The following APP variants were observed in gnomAD, a reference collection of about 807,000 sequenced individuals.
The protein encoded by APP is amyloid-beta precursor protein.
APP carries 31 observed loss-of-function variants against 101.4 expected under a neutral mutation model. The observed-to-expected ratio is 0.31, with a 90% CI of 0.23 to 0.41. The LOEUF is 0.41. Among genes scored for constraint, APP ranks in the 10% least tolerant of loss-of-function variants. The pLI is 1.00. For synonymous variants in APP, 366 were observed against 364.4 expected (o/e 1.00, Z -0.05); for missense variants, 839 against 1,003.7 (o/e 0.84, Z 2.22).
At chr21:25,995,604 T>C (rs2043022599) in intron 8 of APP, among the ~76,000 whole-genome samples, 1 of 152,122 alleles carries the variant, frequency 6.6e-6, no homozygotes, top group African/African-American at 2.4e-5. Flanking sequence ...AAATGATCTG[T>C]GAAAATGCTC....
intron 16 of APP, among the ~76,000 whole-genome samples, chr21:25,894,070 G>C (rs911426384): frequency 1.3e-5 from 2 of 152,182 alleles, no homozygotes; most frequent in African/African-American, 2.4e-5. Flanking sequence ...ACAAAACTGG[G>C]ATGACAGCAC....
intron 5 of APP, among the ~76,000 whole-genome samples, chr21:26,025,116 T>C (rs2044511612): frequency 6.6e-6 from 1 of 152,220 alleles, no homozygotes; most frequent in South Asian, 2.1e-4. Flanking sequence ...AACTGACTTT[T>C]TTTTTTGACT....
chr21:25,940,819 T>C (rs999660840), intron 13 of APP, among the ~76,000 whole-genome samples: 2 of 152,188 alleles, frequency 1.3e-5, no homozygotes, highest in Non-Finnish European at 2.9e-5. Context: ...CATTTATCAA[T>C]GTCACCTGGA....
At chr21:25,975,842 G>C (rs1601087583) in intron 10 of APP, 112 bp downstream of exon 10, 2 of 842,734 alleles carry the variant, frequency 2.4e-6, no homozygotes, top group Non-Finnish European at 4.1e-6. Context: ...GAAGTTCATG[G>C]GACTATGAAC....
chr21:25,906,131 GA>G (rs1394780984), intron 14 of APP, among the ~76,000 whole-genome samples: 1 of 152,214 alleles, frequency 6.6e-6, no homozygotes, highest in Non-Finnish European at 1.5e-5. Flanking sequence ...TCAAAGGTGG[GA>G]TTCTCAGTCC....
chr21:26,001,472 G>A (rs898181890), intron 6 of APP, among the ~76,000 whole-genome samples: 3 of 152,226 alleles, frequency 2.0e-5, no homozygotes, highest in East Asian at 1.9e-4. Flanking sequence ...TGAAAGCCAC[G>A]CATCACCCAT....
intron 3 of APP, among the ~76,000 whole-genome samples, chr21:26,085,573 C>G (rs1374493902): frequency 1.3e-5 from 2 of 152,184 alleles, no homozygotes; most frequent in African/African-American, 4.8e-5. Flanking sequence ...TTTTTCCATC[C>G]TCATCGCCAT....
chr21:26,057,221 T>G (rs2046077765), intron 3 of APP, among the ~76,000 whole-genome samples: 1 of 152,240 alleles, frequency 6.6e-6, no homozygotes, highest in East Asian at 1.9e-4. Flanking sequence ...ATGCTTCTGC[T>G]TATTTGCTTT....
chr21:25,908,519 AAC>A (rs566662757), intron 14 of APP, among the ~76,000 whole-genome samples: 218 of 152,212 alleles, frequency 1.4e-3, no homozygotes, highest in Middle Eastern at 3.4e-3. Context: ...AAGAAAGACT[AAC>A]AAGTTTCTGG....
At chr21:26,048,355 A>G (rs555671200) in intron 5 of APP, among the ~76,000 whole-genome samples, 40 of 152,232 alleles carry the variant, frequency 2.6e-4, no homozygotes, top group African/African-American at 9.4e-4. Context: ...TGTGGCTCAC[A>G]TTACATTTGT....
At chr21:25,884,893 A>AG (rs2037224218) in intron 17 of APP, among the ~76,000 whole-genome samples, 3 of 152,244 alleles carry the variant, frequency 2.0e-5, no homozygotes, top group South Asian at 4.1e-4. Context: ...TGATAGGTTT[A>AG]TCTCCTCTTC....
rs572974129 is a variant in APP, at chr21:25,909,949, G to A, written c.1909+1792C>T. ...AACATGCTGTTTGCTATTACTGTAA[G>A]GTGCCCTTTTTCAAATTAAGGAAAC... On this transcript the variant is annotated intron_variant, in intron 14 of 17. Transcript: ENST00000346798. Among the ~76,000 whole-genome samples, 29 of 152,062 alleles carry A rather than the reference G, an allele frequency of 1.9e-4. 1 individual carries two copies. In the South Asian group the frequency reaches 5.0e-3, roughly 26 times the overall value.
chr21:26,032,366 T>TA (rs371056245), intron 5 of APP, among the ~76,000 whole-genome samples: 192 of 152,338 alleles, frequency 1.3e-3, no homozygotes, highest in African/African-American at 4.4e-3. Context: ...CGACTACACT[T>TA]ACATATACTC....
chr21:26,011,534 C>CAGCT (rs1366528751), intron 6 of APP, among the ~76,000 whole-genome samples: 1 of 152,078 alleles, frequency 6.6e-6, no homozygotes, highest in Non-Finnish European at 1.5e-5. Flanking sequence ...GCTAGTGATG[C>CAGCT]AGCTAAACAT....
chr21:26,154,972 T>C (rs151331294), intron 1 of APP, among the ~76,000 whole-genome samples: 34 of 152,262 alleles, frequency 2.2e-4, no homozygotes, highest in African/African-American at 7.9e-4. Flanking sequence ...AAATATGTAA[T>C]CAGGTGCGGT....
At chr21:26,114,377 C>CT (rs2062391459) in intron 1 of APP, among the ~76,000 whole-genome samples, 1 of 152,164 alleles carries the variant, frequency 6.6e-6, no homozygotes, top group African/African-American at 2.4e-5. Context: ...GTATCAGGGT[C>CT]TGTCTGTGCA....
At position 26,046,549 on chromosome 21, in the gene APP, G is replaced by GA. The variant is rs532493160; in HGVS notation, c.662+4450dup. Among the ~76,000 whole-genome samples the GA allele has an allele frequency of 2.4e-3, 352 of 146,696 alleles. 3 individuals carry two copies. Among genetic ancestry groups the GA allele is most frequent in the African/African-American group, 8.1e-3 (323 of 39,882 alleles). On this transcript the variant is annotated intron_variant, in intron 5 of 17. Coordinates refer to ENST00000346798, the MANE Select transcript of APP (RefSeq NM_000484.4). ...TAAAAAAAAAATGTTCAAAGAAATA[G>GA]AAAAAAAAAATCATCTAATTATCCA...
intron 1 of APP, among the ~76,000 whole-genome samples, chr21:26,163,226 T>G (rs1347535843): frequency 3.3e-5 from 2 of 60,558 alleles, no homozygotes; most frequent in African/African-American, 1.3e-4. Flanking sequence ...GGTGACACAG[T>G]AAAACTCAGT....
At chr21:25,966,663 C>A (rs1215370224) in intron 11 of APP, among the ~76,000 whole-genome samples, 1 of 152,070 alleles carries the variant, frequency 6.6e-6, no homozygotes, top group Non-Finnish European at 1.5e-5. Flanking sequence ...ATGCTATATA[C>A]ATATATTTTA....
Sources: allele counts gnomAD v4.1 joint callset (sites outside exome capture counted in the v4.1 genomes callset), GRCh38; gene constraint gnomAD v4.1.1; transcripts MANE v1.5; gene names NCBI Gene and HGNC (gene_info 2026-07-23, HGNC 2026-07-21).